Variants in ADAM12 observed in about 807,000 individuals in gnomAD.
The protein encoded by ADAM12 is disintegrin and metalloproteinase domain-containing protein 12.
Under a neutral mutation model 106.4 loss-of-function variants are expected in ADAM12, and 70 were observed. That is an observed-to-expected ratio of 0.66 (90% CI 0.54 to 0.80). The LOEUF (loss-of-function observed/expected upper bound fraction) is 0.80. Ranked by LOEUF, ADAM12 falls within the 30% of genes least tolerant of loss-of-function variation. ADAM12 has a pLI of 0.00. For missense variants in ADAM12, 1,010 were observed against 1,171.9 expected (o/e 0.86, Z 2.02); for synonymous variants, 420 against 433.5 (o/e 0.97, Z 0.39).
chr10:126,242,087 T>A (rs373848226), intron 3 of ADAM12, among the ~76,000 whole-genome samples: 2 of 152,202 alleles, frequency 1.3e-5, no homozygotes, highest in African/African-American at 4.8e-5. Context: ...CAAAGCTATG[T>A]TTCTGAAAAA....
At chr10:126,227,906 C>T (rs946382171) in intron 3 of ADAM12, among the ~76,000 whole-genome samples, 1 of 152,098 alleles carries the variant, frequency 6.6e-6, no homozygotes, top group Non-Finnish European at 1.5e-5. Context: ...AGATGGTGAG[C>T]TGGCAGCACC....
At chr10:126,092,507 A>G (rs1355761493) in intron 11 of ADAM12, among the ~76,000 whole-genome samples, 1 of 152,242 alleles carries the variant, frequency 6.6e-6, no homozygotes, top group Non-Finnish European at 1.5e-5. Context: ...ACCTTTAGTG[A>G]CTAGGAACAT....
chr10:126,156,593 T>C (rs1324991505), intron 3 of ADAM12, among the ~76,000 whole-genome samples: 1 of 152,234 alleles, frequency 6.6e-6, no homozygotes, highest in Admixed American at 6.5e-5. Context: ...TTGTTTTGTT[T>C]GTGCATTTTG....
At chr10:126,035,225 TATG>T (rs901295457) in intron 21 of ADAM12, among the ~76,000 whole-genome samples, 1 of 152,140 alleles carries the variant, frequency 6.6e-6, no homozygotes, top group African/African-American at 2.4e-5. Flanking sequence ...ATTTTTATAT[TATG>T]AGGCTTAAAA....
chr10:126,314,285 A>C (rs1961249885), intron 2 of ADAM12, among the ~76,000 whole-genome samples: 1 of 152,182 alleles, frequency 6.6e-6, no homozygotes, highest in African/African-American at 2.4e-5. Flanking sequence ...ATTGTTAGAG[A>C]GGAGACCAGG....
chr10:126,302,382 T>C (rs776692148), intron 2 of ADAM12, among the ~76,000 whole-genome samples: 32 of 152,366 alleles, frequency 2.1e-4, no homozygotes, highest in Non-Finnish European at 1.9e-4. Flanking sequence ...GCATTTGGAC[T>C]AAAATGGAAA....
chr10:126,197,562 G>A (rs2133814145), intron 3 of ADAM12, among the ~76,000 whole-genome samples: 1 of 152,310 alleles, frequency 6.6e-6, no homozygotes, highest in East Asian at 1.9e-4. Flanking sequence ...CACAAAGATG[G>A]AATGGAAGTC....
At chr10:126,384,317 C>T (rs980366241) in intron 1 of ADAM12, among the ~76,000 whole-genome samples, 10 of 152,146 alleles carry the variant, frequency 6.6e-5, no homozygotes, top group Non-Finnish European at 1.5e-4. Context: ...GCATCCCTGA[C>T]ATATTCACAA....
chr10:126,095,076 A>C (rs1955531423), intron 10 of ADAM12, among the ~76,000 whole-genome samples: 1 of 152,250 alleles, frequency 6.6e-6, no homozygotes, highest in African/African-American at 2.4e-5. Flanking sequence ...AGTAAGGAAA[A>C]TACCCTGTTT....
chr10:126,333,652 C>T (rs1854597828), intron 1 of ADAM12, among the ~76,000 whole-genome samples: 1 of 152,178 alleles, frequency 6.6e-6, no homozygotes, highest in Non-Finnish European at 1.5e-5. Context: ...GTGTAAAGAA[C>T]ATCCTCCATC....
At chr10:126,034,065 A>G (rs1954015829) in intron 21 of ADAM12, among the ~76,000 whole-genome samples, 1 of 152,228 alleles carries the variant, frequency 6.6e-6, no homozygotes, top group Admixed American at 6.5e-5. Context: ...ACATAAAGGT[A>G]GTATTTAAGA....
intron 18 of ADAM12, 95 bp downstream of exon 18, chr10:126,042,945 T>G: frequency 8.0e-7 from 1 of 1,248,336 alleles, no homozygotes; most frequent in Non-Finnish European, 1.1e-6. Flanking sequence ...CTGGGTTTCT[T>G]GTTGGCTCTA....
chr10:126,164,209 C>G (rs565907604), intron 3 of ADAM12, among the ~76,000 whole-genome samples: 34 of 152,290 alleles, frequency 2.2e-4, no homozygotes, highest in South Asian at 4.1e-4. Context: ...GAAGACCATA[C>G]GTATTGTTGG....
At chr10:126,377,535 G>A (rs996459190) in intron 1 of ADAM12, among the ~76,000 whole-genome samples, 7 of 152,096 alleles carry the variant, frequency 4.6e-5, no homozygotes, top group African/African-American at 7.2e-5. Context: ...TCCAGATTAA[G>A]GGTGAGTCTG....
intron 21 of ADAM12, among the ~76,000 whole-genome samples, chr10:126,020,526 A>T (rs74157711): frequency 0.013 from 2,010 of 152,214 alleles, 55 homozygotes; most frequent in African/African-American, 0.047. Context: ...ATGCTTTGGG[A>T]CTTGTGCAAG....
intron 11 of ADAM12, among the ~76,000 whole-genome samples, chr10:126,088,096 TTCTC>T (rs1461615781): frequency 1.3e-5 from 2 of 152,222 alleles, no homozygotes; most frequent in Admixed American, 1.3e-4. Context: ...TTATAGATTT[TTCTC>T]TCTGTCTTTT....
At chr10:126,112,201 C>A (rs1955882081) in intron 6 of ADAM12, among the ~76,000 whole-genome samples, 1 of 151,610 alleles carries the variant, frequency 6.6e-6, no homozygotes. Context: ...GGGAGGGGAA[C>A]AACACACACC....
chr10:126,313,644 T>C (rs1481760806), intron 2 of ADAM12, among the ~76,000 whole-genome samples: 2 of 152,204 alleles, frequency 1.3e-5, no homozygotes, highest in African/African-American at 4.8e-5. Flanking sequence ...TCTATCCATC[T>C]GTCCATCCGT....
chr10:126,331,754 G>A (rs1249936873), intron 1 of ADAM12, among the ~76,000 whole-genome samples: 2 of 152,182 alleles, frequency 1.3e-5, no homozygotes, highest in African/African-American at 4.8e-5. Flanking sequence ...ATGGGCCCAG[G>A]ACGTGTGGTC....
Sources: allele counts gnomAD v4.1 joint callset (sites outside exome capture counted in the v4.1 genomes callset), GRCh38; gene constraint gnomAD v4.1.1; transcripts MANE v1.5; gene names NCBI Gene and HGNC (gene_info 2026-07-23, HGNC 2026-07-21).